The following PIEZO1 variants were observed in gnomAD, a reference collection of about 807,000 sequenced individuals.
PIEZO1 encodes piezo-type mechanosensitive ion channel component 1.
Under a neutral mutation model 297.2 loss-of-function variants are expected in PIEZO1, and 296 were observed. The ratio of observed to expected loss-of-function variants is 1.00; its 90% CI spans 0.91 to 1.10. PIEZO1 has a LOEUF of 1.10. Among genes scored for constraint, PIEZO1 ranks in the 50% least tolerant of loss-of-function variants. PIEZO1 has a pLI of 0.00. For synonymous variants in PIEZO1, 2,427 were observed against 1,507.5 expected (o/e 1.61, Z -14.13); for missense variants, 5,018 against 3,455.5 (o/e 1.45, Z -11.34).
intron 1 of PIEZO1, among the ~76,000 whole-genome samples, chr16:88,761,669 C>T (rs1906939328): frequency 6.6e-6 from 1 of 151,994 alleles, no homozygotes; most frequent in Admixed American, 6.5e-5. Flanking sequence ...GATGAGAATG[C>T]CCCACCCCAC....
At position 88,719,697 on chromosome 16, in the gene PIEZO1, C is replaced by G; in HGVS notation, c.6348G>C (p.Val2116=). ...FQGFRLVPFL[V]ELRAVMDWVW... ...CCCAGTCCATCACTGCCCGCAGCTC[C>G]ACCAGGAACGGCACCAGCCGGAACC... The change falls in exon 44 of 51, where the codon GTG becomes GTC. Residue 2116 remains valine (V), a synonymous_variant. Coordinates refer to ENST00000301015, the MANE Select transcript of PIEZO1 (RefSeq NM_001142864.4). The G allele has an allele frequency of 6.4e-7, 1 of 1,552,088 alleles. No individual in the cohort carries two copies. Among genetic ancestry groups the G allele is most frequent in the Non-Finnish European group, 8.7e-7 (1 of 1,147,936 alleles).
intron 1 of PIEZO1, among the ~76,000 whole-genome samples, chr16:88,763,666 C>T (rs1907030062): frequency 6.6e-6 from 1 of 152,206 alleles, no homozygotes; most frequent in African/African-American, 2.4e-5. Context: ...TGCTCCCTGA[C>T]ACTCTCTGGC....
Position 88,726,330 on chromosome 16 carries a change from GGTA to G in PIEZO1, c.3919_3921del (p.Tyr1307del). The G allele has an allele frequency of 6.4e-7, 1 of 1,550,414 alleles. No homozygotes were observed. The highest frequency in any genetic ancestry group is 8.7e-7 in the Non-Finnish European group (1 of 1,146,946). The stretch of plus-strand genomic sequence containing the variant: ...GCCTGGAGGTCGGCCCTGACGTGCA[GGTA>G]GTAATGGCTAAGGAAGACGCGGCGC... On this transcript the variant is annotated inframe_deletion, in exon 27 of 51. Coordinates refer to ENST00000301015, the MANE Select transcript of PIEZO1 (RefSeq NM_001142864.4).
chr16:88,731,608 TAGG>T, intron 22 of PIEZO1, 95 bp downstream of exon 22: 1 of 901,010 alleles, frequency 1.1e-6, no homozygotes, highest in Non-Finnish European at 1.7e-6. Context: ...AGGCTAAGTC[TAGG>T]AGGGTGGACA....
At chr16:88,764,901 A>C (rs1907102570) in intron 1 of PIEZO1, among the ~76,000 whole-genome samples, 1 of 152,104 alleles carries the variant, frequency 6.6e-6, no homozygotes, top group African/African-American at 2.4e-5. Flanking sequence ...GGCCCCAGCA[A>C]CTCACCCCAG....
chr16:88,733,773 GC>G (rs1255099021), intron 17 of PIEZO1, 28 bp from the exon 18 acceptor site: 1 of 1,500,422 alleles, frequency 6.7e-7, no homozygotes. Flanking sequence ...TCAGTGCGGG[GC>G]ACAAACGGGG....
At chr16:88,773,158 C>T (rs964648683) in intron 1 of PIEZO1, among the ~76,000 whole-genome samples, 1 of 152,244 alleles carries the variant, frequency 6.6e-6, no homozygotes, top group Non-Finnish European at 1.5e-5. Context: ...CCTCCTTCCT[C>T]CTGGGTCTCA....
In PIEZO1 at chr16:88,722,222, C is replaced by T. The variant is rs1464281265; in HGVS notation, c.4951G>A (p.Asp1651Asn). 1 of 1,546,232 alleles carries T rather than the reference C, an allele frequency of 6.5e-7. No individual in the cohort carries two copies. Among genetic ancestry groups the T allele is most frequent in the East Asian group, 2.4e-5 (1 of 40,924 alleles). The change falls in exon 36 of 51, where the codon GAC becomes AAC. Residue 1651 changes from aspartate (D) to asparagine (N), a missense_variant. Physicochemically the swap from Asp to Asn is conservative, Grantham distance 23 (BLOSUM62 1). Transcript: ENST00000301015. ...TTGTGCGCGTCCCGCCCCCACCTGT[C>T]CAGGAGCAGCTCGCTGGCCGTCCGC... is the stretch of plus-strand genomic sequence containing the variant. ...LMRTASELLL[D>N]RRLRIPELEE...
chr16:88,752,793 C>G (rs2142869218), intron 1 of PIEZO1, among the ~76,000 whole-genome samples: 1 of 152,232 alleles, frequency 6.6e-6, no homozygotes, highest in East Asian at 1.9e-4. Flanking sequence ...CAGGGCAAGT[C>G]CCCTGCCTGA....
At position 88,721,644 on chromosome 16, in the gene PIEZO1, T is replaced by G. The variant is rs2142765607; in HGVS notation, c.5297A>C (p.Lys1766Thr). 1.3e-6 allele frequency: 2 copies of G among 1,550,098 alleles called. No homozygotes were observed. Residue 1766 changes from lysine to threonine, a missense_variant, in exon 38 of 51, where the codon AAG (lysine) becomes ACG (threonine). Coordinates refer to ENST00000301015, the MANE Select transcript of PIEZO1 (RefSeq NM_001142864.4). ...SHVVLRRYEN[K>T]PYFPPRILGL... ...CAGGATGCGGGGCGGGAAGTAGGGCTTGTTCTCGTAGCGCCGCAGCACCAC... is the reference window on the plus strand; with the variant it reads ...CAGGATGCGGGGCGGGAAGTAGGGCGTGTTCTCGTAGCGCCGCAGCACCAC...
chr16:88,727,378 T>G (rs2242168), intron 23 of PIEZO1, among the ~76,000 whole-genome samples, 179 bp downstream of exon 23: 3 of 152,098 alleles, frequency 2.0e-5, no homozygotes, highest in African/African-American at 7.2e-5. Flanking sequence ...GCACAAGGGC[T>G]GCCGTGCACA....
chr16:88,727,707 G>T, intron 22 of PIEZO1, 46 bp from the exon 23 acceptor site: 2 of 983,290 alleles, frequency 2.0e-6, no homozygotes, highest in Non-Finnish European at 2.9e-6. Flanking sequence ...CCTGCCTGGG[G>T]CCTGAGACAC....
intron 1 of PIEZO1, among the ~76,000 whole-genome samples, chr16:88,781,621 G>C (rs138893981): frequency 4.7e-4 from 71 of 152,332 alleles, no homozygotes; most frequent in African/African-American, 1.6e-3. Flanking sequence ...ACTCTGCCAC[G>C]GCCATGCTCT....
At chr16:88,734,229 G>A (rs1213994163) in intron 16 of PIEZO1, 127 bp downstream of exon 16, 1 of 1,195,288 alleles carries the variant, frequency 8.4e-7, no homozygotes, top group Admixed American at 2.8e-5. Flanking sequence ...CATCCCCTTG[G>A]TATGAGCAAA....
intron 22 of PIEZO1, 33 bp from the exon 23 acceptor site, chr16:88,727,694 G>A (rs1420710628): frequency 2.7e-5 from 31 of 1,133,362 alleles, no homozygotes; most frequent in African/African-American, 9.5e-5. Context: ...AGGAAGGGCC[G>A]GGCCTGCCTG....
chr16:88,726,898 C>T lies in PIEZO1; in HGVS notation c.3516G>A (p.Val1172=), dbSNP rs912172916. The change falls in exon 25 of 51, where the codon GTG becomes GTA. Residue 1172 remains valine (V), a synonymous_variant. Transcript: ENST00000301015. ...GGGTGGCCCCCGTGACAAACACCAC[C>T]ACCAGCACCAGCCAGAACAGGTATC... ...VFRYLFWLVL[V]VVFVTGATRI... is the part of the protein sequence containing the mutation. The T allele has an allele frequency of 7.1e-6, 11 of 1,550,298 alleles. No homozygotes were observed. The highest frequency in any genetic ancestry group is 8.7e-6 in the Non-Finnish European group (10 of 1,146,924).
intron 13 of PIEZO1, 36 bp from the exon 14 acceptor site, chr16:88,735,089 G>T (rs1256456644): frequency 3.2e-6 from 5 of 1,539,436 alleles, no homozygotes; most frequent in Non-Finnish European, 4.4e-6. Flanking sequence ...ATGGCATCAG[G>T]GCGGGCAGGC....
At position 88,726,538 on chromosome 16, in the gene PIEZO1, GCCA is replaced by G. The variant is rs1904448436; in HGVS notation, c.3796+6_3796+8del. ...CACGCCCTCCCCCGCCACCGTCCTG[GCCA>G]CTCACGGTCATAGTAGCCCTTGACG... is the stretch of plus-strand genomic sequence containing the variant. On this transcript the variant is annotated splice_donor_region_variant and intron_variant, in intron 26 of 50. Transcript: ENST00000301015. 7 of 1,548,736 alleles carry G rather than the reference GCCA, an allele frequency of 4.5e-6. No homozygotes were observed. The highest frequency in any genetic ancestry group is 6.1e-6 in the Non-Finnish European group (7 of 1,145,698).
At chr16:88,748,270 C>A (rs150097896) in intron 2 of PIEZO1, among the ~76,000 whole-genome samples, 381 of 10,860 alleles carry the variant, frequency 0.035, no homozygotes, top group Non-Finnish European at 0.05. Flanking sequence ...AGTGTTTGCT[C>A]CAAAACGCGC....
Sources: allele counts gnomAD v4.1 joint callset (sites outside exome capture counted in the v4.1 genomes callset), GRCh38; gene constraint gnomAD v4.1.1; transcripts MANE v1.5; gene names NCBI Gene and HGNC (gene_info 2026-07-23, HGNC 2026-07-21).